The following NEGR1 variants were observed in gnomAD, a reference collection of about 807,000 sequenced individuals.
NEGR1 encodes the protein neuronal growth regulator 1, also known as IgLON family member 4.
NEGR1 carries 10 observed loss-of-function variants against 40.9 expected under a neutral mutation model. The ratio of observed to expected loss-of-function variants is 0.24; its 90% CI spans 0.15 to 0.42. The LOEUF is 0.42. Among genes scored for constraint, NEGR1 ranks in the 10% least tolerant of loss-of-function variants. NEGR1 has a pLI of 1.00. For missense variants in NEGR1, 352 were observed against 438.9 expected, an observed-to-expected ratio of 0.80 and a Z score of 1.77; for synonymous variants, 185 against 166.8, an observed-to-expected ratio of 1.11 and a Z score of -0.84.
intron 3 of NEGR1, among the ~76,000 whole-genome samples, chr1:71,716,111 C>T (rs1037055655): frequency 1.4e-4 from 21 of 152,144 alleles, no homozygotes; most frequent in African/African-American, 4.8e-4. Context: ...CACCTCTTCA[C>T]AGGGCAGCAG....
At chr1:72,024,475 A>G (rs564135647) in intron 1 of NEGR1, among the ~76,000 whole-genome samples, 2 of 152,094 alleles carry the variant, frequency 1.3e-5, no homozygotes, top group Non-Finnish European at 2.9e-5. Flanking sequence ...TCAAATAAAA[A>G]TCCTTGATAA....
chr1:71,582,144 G>A (rs1362455134), intron 6 of NEGR1, among the ~76,000 whole-genome samples: 1 of 152,048 alleles, frequency 6.6e-6, no homozygotes, highest in East Asian at 1.9e-4. Flanking sequence ...TTTTTTTAAT[G>A]ATATTGTAAA....
chr1:71,873,362 A>T lies in NEGR1; in HGVS notation c.409+61717T>A, dbSNP rs111818351. Among the ~76,000 whole-genome samples the T allele has an allele frequency of 6.8e-3, 1,032 of 152,138 alleles. 8 individuals are homozygous for T. The highest frequency in any genetic ancestry group is 0.024 in the African/African-American group (977 of 41,534). On this transcript the variant is annotated intron_variant, in intron 2 of 6. Transcript: ENST00000357731. ...CTAAAATATTGGTTAACAAAACAAAATGTTTAAAAGGAGAAATTTTATTGT... is the reference window on the plus strand; with the variant it reads ...CTAAAATATTGGTTAACAAAACAAATTGTTTAAAAGGAGAAATTTTATTGT...
At chr1:72,088,560 C>T (rs1648316846) in intron 1 of NEGR1, among the ~76,000 whole-genome samples, 1 of 152,060 alleles carries the variant, frequency 6.6e-6, no homozygotes, top group African/African-American at 2.4e-5. Context: ...GAACCCAGAT[C>T]TGCCTTAAAT....
At chr1:71,415,235 T>C (rs1646347762) in intron 6 of NEGR1, among the ~76,000 whole-genome samples, 1 of 151,904 alleles carries the variant, frequency 6.6e-6, no homozygotes, top group South Asian at 2.1e-4. Context: ...TTACAGAAAA[T>C]CTCTCTATTT....
In NEGR1 at chr1:71,407,384, GA is replaced by G. The variant is rs755451334; in HGVS notation, c.*61del. ...ACGCTGCTTTTAACAAACTGTACCAGATTGGATCCAGCCATCAGCACTTTCA... is the reference window on the plus strand; with the variant it reads ...ACGCTGCTTTTAACAAACTGTACCAGTTGGATCCAGCCATCAGCACTTTCA... On this transcript the variant is annotated 3_prime_UTR_variant, in exon 7 of 7. Coordinates refer to ENST00000357731, the MANE Select transcript of NEGR1 (RefSeq NM_173808.3). 6.5e-4 allele frequency: 999 copies of G among 1,542,560 alleles called. 1 individual carries two copies. The highest frequency in any genetic ancestry group is 8.3e-4 in the Non-Finnish European group (927 of 1,123,008).
intron 5 of NEGR1, among the ~76,000 whole-genome samples, chr1:71,599,613 C>T (rs1649850636): frequency 6.6e-6 from 1 of 152,170 alleles, no homozygotes; most frequent in African/African-American, 2.4e-5. Context: ...TATCATGCAT[C>T]ACTGTCTTAG....
At chr1:71,740,575 G>A (rs935992869) in intron 3 of NEGR1, among the ~76,000 whole-genome samples, 2 of 152,102 alleles carry the variant, frequency 1.3e-5, no homozygotes, top group African/African-American at 4.8e-5. Flanking sequence ...GCTGAACACA[G>A]GAAAGTACAG....
chr1:71,597,472 C>CTCTCTCTCTCTCTCTCTG (rs756076229), intron 5 of NEGR1, among the ~76,000 whole-genome samples: 4 of 31,328 alleles, frequency 1.3e-4, no homozygotes, highest in Admixed American at 5.7e-4. Flanking sequence ...CTCTCTCTCT[C>CTCTCTCTCTCTCTCTCTG]TGTGTGTGTG....
chr1:72,067,120 C>T (rs183248145), intron 1 of NEGR1, among the ~76,000 whole-genome samples: 2 of 152,124 alleles, frequency 1.3e-5, no homozygotes, highest in East Asian at 3.9e-4. Context: ...CATTTGGTGA[C>T]AAAATAGCAA....
chr1:71,411,559 G>A (rs1396819318), intron 6 of NEGR1, among the ~76,000 whole-genome samples: 1 of 152,154 alleles, frequency 6.6e-6, no homozygotes. Flanking sequence ...GGCAGTATAG[G>A]TCATGTGATC....
At chr1:71,451,787 T>G (rs1403385034) in intron 6 of NEGR1, among the ~76,000 whole-genome samples, 1 of 152,230 alleles carries the variant, frequency 6.6e-6, no homozygotes, top group African/African-American at 2.4e-5. Context: ...AATAGGATAT[T>G]TTAAATCTGA....
In NEGR1 at chr1:71,464,647, G is replaced by A. The variant is rs192027094; in HGVS notation, c.941-57077C>T. On this transcript the variant is annotated intron_variant, in intron 6 of 6. Coordinates refer to ENST00000357731, the MANE Select transcript of NEGR1 (RefSeq NM_173808.3). ...AAATTTGGCCATACAAAACCTAGAT[G>A]TATATCAATTAAAGAGGTTTCCCCA... 2.3e-3 allele frequency among the ~76,000 whole-genome samples: 343 copies of A among 152,154 alleles called. 1 individual carries two copies. The highest frequency in any genetic ancestry group is 7.9e-3 in the African/African-American group (327 of 41,526).
intron 1 of NEGR1, among the ~76,000 whole-genome samples, chr1:72,200,826 T>C (rs375986950): frequency 1.5e-4 from 23 of 151,926 alleles, no homozygotes; most frequent in East Asian, 1.2e-3. Flanking sequence ...TCAACCTAAC[T>C]TTTCAATAAA....
intron 3 of NEGR1, among the ~76,000 whole-genome samples, chr1:71,738,768 T>C (rs959187291): frequency 6.6e-6 from 1 of 152,080 alleles, no homozygotes; most frequent in Non-Finnish European, 1.5e-5. Context: ...TGATATGTCT[T>C]ATATTTTAAA....
intron 1 of NEGR1, among the ~76,000 whole-genome samples, chr1:72,055,789 TTATATATATTA>T (rs1557504192): frequency 1.4e-5 from 2 of 146,350 alleles, no homozygotes; most frequent in African/African-American, 5.0e-5. Flanking sequence ...CTATAATATA[TTATATATATTA>T]TATATATATA....
chr1:71,896,602 CT>C (rs1185269287), intron 2 of NEGR1, among the ~76,000 whole-genome samples: 1 of 152,072 alleles, frequency 6.6e-6, no homozygotes, highest in African/African-American at 2.4e-5. Flanking sequence ...GTTGTCAAAT[CT>C]AAAAAACCAT....
chr1:72,016,195 A>G (rs1646708927), intron 1 of NEGR1, among the ~76,000 whole-genome samples: 1 of 152,174 alleles, frequency 6.6e-6, no homozygotes, highest in African/African-American at 2.4e-5. Context: ...GATTAAATAC[A>G]AAATAATTGA....
chr1:71,782,491 A>G (rs533381982), intron 2 of NEGR1, among the ~76,000 whole-genome samples: 1 of 152,128 alleles, frequency 6.6e-6, no homozygotes, highest in Non-Finnish European at 1.5e-5. Flanking sequence ...ATCCATAATT[A>G]TCATTGGTAT....
Sources: allele counts gnomAD v4.1 joint callset (sites outside exome capture counted in the v4.1 genomes callset), GRCh38; gene constraint gnomAD v4.1.1; transcripts MANE v1.5; gene names NCBI Gene and HGNC (gene_info 2026-07-23, HGNC 2026-07-21).